The following TRIP12 variants were observed in gnomAD, a reference collection of about 807,000 sequenced individuals.
TRIP12 encodes E3 ubiquitin-protein ligase TRIP12.
TRIP12 carries 25 observed loss-of-function variants against 244.2 expected under a neutral mutation model. The ratio of observed to expected loss-of-function variants is 0.10; its 90% confidence interval spans 0.07 to 0.14. The LOEUF (loss-of-function observed/expected upper bound fraction) is 0.14, where lower values mean the gene tolerates loss of function less well. TRIP12 is among the 10% of genes least tolerant of loss of function. The pLI, the probability that TRIP12 is intolerant of heterozygous loss-of-function variation, is 1.00. For missense variants in TRIP12, 1,677 were observed against 2,486.4 expected, an observed-to-expected ratio of 0.67 and a Z score of 6.92; for synonymous variants, 905 against 873.1, an observed-to-expected ratio of 1.04 and a Z score of -0.64.
rs1410327980 is a variant in TRIP12, at chr2:229,765,383, A to T, written c.*2171T>A. ...TGCAATAAGGCCTCTGCCAAGAGAG[A>T]TTACTTTAAGAGTTTTCCTGCCCCA... On this transcript the variant is annotated 3_prime_UTR_variant, in exon 42 of 42. Transcript: ENST00000675903. The T allele has an allele frequency of 6.6e-6, 1 of 152,190 alleles. No individual in the cohort carries two copies. The highest frequency in any genetic ancestry group is 1.9e-4 in the East Asian group (1 of 5,192). The allele number at this position is 152,190 out of a possible 1,614,324, so 9.4% of individuals were successfully genotyped here.
At chr2:229,814,467 G>T in intron 11 of TRIP12, 142 bp from the exon 12 acceptor site, 2 of 694,822 alleles carry the variant, frequency 2.9e-6, no homozygotes, top group Non-Finnish European at 2.3e-6. Flanking sequence ...TCACTTAGCA[G>T]CTTAAGCTAC....
Position 229,865,612 on chromosome 2 carries a change from T to C in TRIP12, c.99-5081A>G, listed in dbSNP as rs1364976176. 2.0e-5 allele frequency among the ~76,000 whole-genome samples: 3 copies of C among 152,112 alleles called. No individual in the cohort carries two copies. The East Asian group carries it at 5.8e-4, about 29-fold the overall frequency. On this transcript the variant is annotated intron_variant, in intron 2 of 41. Transcript: ENST00000675903. ...GTGGGTTTAATTACAACTCTAAATT[T>C]GTTTGTGTATATGTGTATACAGACA...
intron 34 of TRIP12, among the ~76,000 whole-genome samples, chr2:229,781,971 C>A (rs1048497127): frequency 1.2e-4 from 18 of 152,086 alleles, no homozygotes; most frequent in African/African-American, 4.3e-4. Context: ...CTTAGAACAA[C>A]CTGTGTGAAG....
chr2:229,843,305 GTATA>G (rs1244091701), intron 4 of TRIP12, among the ~76,000 whole-genome samples: 2 of 152,144 alleles, frequency 1.3e-5, no homozygotes, highest in Non-Finnish European at 2.9e-5. Context: ...ATTGGTATAA[GTATA>G]TATGCCCTTG....
Position 229,831,104 on chromosome 2 carries a change from C to A in TRIP12, c.1271-265G>T, listed in dbSNP as rs1411672934. 9.8e-6 allele frequency: 7 copies of A among 711,922 alleles called. No individual in the cohort carries two copies. The Admixed American group carries it at 1.4e-4, about 15-fold the overall frequency. 44.1% of individuals were successfully genotyped at this position (711,922 alleles called of 1,614,324 possible). ...TGTGGCTTTTGACAAATTTCTTGTG[C>A]CGTTGAAACTGTTCTTTAATTAAGA... On this transcript the variant is annotated intron_variant, in intron 6 of 41. Transcript: ENST00000675903.
intron 1 of TRIP12, among the ~76,000 whole-genome samples, chr2:229,906,030 C>T (rs935981015): frequency 6.6e-6 from 1 of 152,150 alleles, no homozygotes; most frequent in East Asian, 1.9e-4. Flanking sequence ...CATGGCCAGG[C>T]GCAGTGGCTC....
intron 2 of TRIP12, among the ~76,000 whole-genome samples, chr2:229,864,047 A>AGAGAGAGAGTGAGT: frequency 2.5e-4 from 20 of 79,308 alleles, no homozygotes; most frequent in East Asian, 8.7e-4. Context: ...AGAGAGAGAG[A>AGAGAGAGAGTGAGT]GTGTGTGTGT....
intron 1 of TRIP12, among the ~76,000 whole-genome samples, chr2:229,902,566 G>A (rs991813548): frequency 3.3e-5 from 5 of 152,162 alleles, no homozygotes; most frequent in African/African-American, 7.2e-5. Flanking sequence ...CTGCTAGATC[G>A]TTACTGACAG....
At chr2:229,784,792 CA>C (rs2039459480) in intron 34 of TRIP12, among the ~76,000 whole-genome samples, 1 of 152,174 alleles carries the variant, frequency 6.6e-6, no homozygotes, top group Non-Finnish European at 1.5e-5. Flanking sequence ...GTATGAGAAG[CA>C]ATTGAACTCG....
intron 2 of TRIP12, among the ~76,000 whole-genome samples, chr2:229,866,919 A>C (rs1187847714): frequency 2.0e-5 from 3 of 152,174 alleles, no homozygotes; most frequent in Non-Finnish European, 4.4e-5. Context: ...AGGAAATTTT[A>C]AAGCCCATAC....
chr2:229,802,113 T>G, intron 21 of TRIP12, 139 bp downstream of exon 21: 9 of 565,024 alleles, frequency 1.6e-5, no homozygotes, highest in Non-Finnish European at 2.2e-5. Context: ...TTTCTTCCCA[T>G]TCTCATTAAC....
chr2:229,810,865 T>C lies in TRIP12; in HGVS notation c.2221+15A>G. On this transcript the variant is annotated intron_variant, in intron 15 of 41. Transcript: ENST00000675903. ...ACTTTTCCTGCTTAAAGTAGAACAG[T>C]AAATTTGCACTTACTTTGTTTCATA... 6.2e-7 allele frequency: 1 copy of C among 1,612,264 alleles called. No individual in the cohort carries two copies.
intron 4 of TRIP12, 75 bp from the exon 5 acceptor site, chr2:229,841,002 G>T: frequency 9.1e-7 from 1 of 1,100,784 alleles, no homozygotes; most frequent in Non-Finnish European, 1.3e-6. Flanking sequence ...AAATTCTTCA[G>T]GTCATCATGT....
At chr2:229,799,611 C>T (rs2043724278) in intron 21 of TRIP12, among the ~76,000 whole-genome samples, 1 of 152,046 alleles carries the variant, frequency 6.6e-6, no homozygotes, top group African/African-American at 2.4e-5. Flanking sequence ...CCCATCTCTA[C>T]TAAAAATACA....
chr2:229,780,534 G>A (rs539278818), intron 34 of TRIP12, among the ~76,000 whole-genome samples: 2 of 152,156 alleles, frequency 1.3e-5, no homozygotes, highest in South Asian at 4.2e-4. Flanking sequence ...TCTTACCACG[G>A]CCTACATGAC....
chr2:229,904,060 A>T (rs1349053744), intron 1 of TRIP12, among the ~76,000 whole-genome samples: 1 of 151,830 alleles, frequency 6.6e-6, no homozygotes, highest in Non-Finnish European at 1.5e-5. Flanking sequence ...AAAATAAATT[A>T]ACTTTTTAAA....
At chr2:229,819,914 T>C (rs2049579578) in intron 8 of TRIP12, among the ~76,000 whole-genome samples, 1 of 152,232 alleles carries the variant, frequency 6.6e-6, no homozygotes, top group South Asian at 2.1e-4. Flanking sequence ...GGTTTAAGAT[T>C]GTGGCTACTG....
chr2:229,771,039 T>A (rs534092341), intron 39 of TRIP12, among the ~76,000 whole-genome samples: 1 of 152,362 alleles, frequency 6.6e-6, no homozygotes, highest in South Asian at 2.1e-4. Flanking sequence ...AATCCATTTC[T>A]TCCATTCTCA....
At chr2:229,770,202 C>A (rs1346742855) in intron 39 of TRIP12, among the ~76,000 whole-genome samples, 1 of 152,134 alleles carries the variant, frequency 6.6e-6, no homozygotes, top group African/African-American at 2.4e-5. Context: ...TTTCCGAGCT[C>A]AAGTGATCTT....
Sources: allele counts gnomAD v4.1 joint callset (sites outside exome capture counted in the v4.1 genomes callset), GRCh38; gene constraint gnomAD v4.1.1; transcripts MANE v1.5; gene names NCBI Gene and HGNC (gene_info 2026-07-23, HGNC 2026-07-21).